The following TCF4 variants were observed in gnomAD, a reference collection of about 807,000 sequenced individuals.
TCF4 encodes transcription factor 4.
In TCF4, 3 loss-of-function variants were observed where a neutral mutation model predicts 82.1. The observed-to-expected ratio is 0.04, with a 90% CI of 0.02 to 0.09. TCF4 has a LOEUF of 0.09. Ranked by LOEUF, TCF4 falls within the 10% of genes least tolerant of loss-of-function variation. The probability of loss-of-function intolerance (pLI) is 1.00; values close to 1 mark genes in which losing one functional copy is unlikely to be tolerated. For synonymous variants in TCF4, 276 were observed against 309.6 expected (o/e 0.89, Z 1.14); for missense variants, 518 against 852.7 (o/e 0.61, Z 4.89).
At chr18:55,439,931 C>T (rs996724953) in intron 5 of TCF4, among the ~76,000 whole-genome samples, 2 of 152,112 alleles carry the variant, frequency 1.3e-5, no homozygotes, top group South Asian at 4.1e-4. Flanking sequence ...ACCATGTTGG[C>T]CAGGTTGGTC....
chr18:55,424,857 GC>G (rs1369668027), intron 5 of TCF4, among the ~76,000 whole-genome samples: 1 of 152,270 alleles, frequency 6.6e-6, no homozygotes, highest in Middle Eastern at 3.4e-3. Context: ...TTTAGGAGAT[GC>G]CTGCTCATCC....
rs537732661 is a variant in TCF4 at position 55,421,809 on chromosome 18, T to C, written c.305-18291A>G. Among the ~76,000 whole-genome samples the C allele has an allele frequency of 2.6e-4, 40 of 152,322 alleles. No homozygotes were observed. In the South Asian group the frequency reaches 8.1e-3, roughly 31 times the overall value. On this transcript the variant is annotated intron_variant, in intron 5 of 19. Transcript: ENST00000354452. ...AGAACTTTCAGTTTAACTTCAGGCTTGTCTGTCAAACATGGTACCAGGTTG... is the reference window on the plus strand; with the variant it reads ...AGAACTTTCAGTTTAACTTCAGGCTCGTCTGTCAAACATGGTACCAGGTTG...
chr18:55,547,800 T>TTA (rs1481022518), intron 3 of TCF4, among the ~76,000 whole-genome samples: 1 of 152,196 alleles, frequency 6.6e-6, no homozygotes, highest in Admixed American at 6.5e-5. Context: ...TCAGGCCTCT[T>TTA]TAGAAAACAA....
Position 55,407,648 on chromosome 18 carries a change from A to AT in TCF4, c.305-4131dup, listed in dbSNP as rs1184168067. On this transcript the variant is annotated intron_variant, in intron 5 of 19. Transcript: ENST00000354452. ...AGCAGGAAAGGCAAGCAACTTCCAT[A>AT]TAAAAAAAAAAAAAAAAAAGTCAAT... Among the ~76,000 whole-genome samples, 5 of 97,040 alleles carry AT rather than the reference A, an allele frequency of 5.2e-5. No homozygotes were observed. In the South Asian group the frequency reaches 9.1e-4, roughly 18 times the overall value. The allele number at this position is 97,040 out of a possible 152,430, so 63.7% of individuals were successfully genotyped here. A position where few individuals can be genotyped will look rare whatever the true frequency, so the allele number is the denominator to read the frequency against.
At chr18:55,582,272 T>C (rs1426681902) in intron 3 of TCF4, among the ~76,000 whole-genome samples, 1 of 152,146 alleles carries the variant, frequency 6.6e-6, no homozygotes, top group Non-Finnish European at 1.5e-5. Context: ...TGGATGCTTT[T>C]AGTTTGTTTT....
At chr18:55,432,956 A>G (rs997974233) in intron 5 of TCF4, among the ~76,000 whole-genome samples, 3 of 152,206 alleles carry the variant, frequency 2.0e-5, no homozygotes, top group Non-Finnish European at 4.4e-5. Context: ...GTGACCTGTA[A>G]TCATGCTTCT....
chr18:55,588,399 A>AG, upstream of TCF4: 1 of 1,529,974 alleles, frequency 6.5e-7, no homozygotes, highest in Non-Finnish European at 8.7e-7. Flanking sequence ...ACCCACCCCG[A>AG]GGGGAAAAAA....
chr18:55,304,202 C>A (rs895205886), intron 8 of TCF4, among the ~76,000 whole-genome samples: 4 of 152,068 alleles, frequency 2.6e-5, no homozygotes, highest in Admixed American at 6.6e-5. Flanking sequence ...AAGGAAGTGG[C>A]CAAGGTGGTC....
At chr18:55,402,527 T>C (rs1169434547) in intron 6 of TCF4, among the ~76,000 whole-genome samples, 1 of 151,842 alleles carries the variant, frequency 6.6e-6, no homozygotes, top group African/African-American at 2.4e-5. Context: ...TTTGCGTGAA[T>C]AATAAAAACA....
chr18:55,530,326 T>G (rs2097046115), intron 3 of TCF4, among the ~76,000 whole-genome samples: 1 of 152,068 alleles, frequency 6.6e-6, no homozygotes, highest in Non-Finnish European at 1.5e-5. Context: ...AGTAGGGGGT[T>G]GGGATTCAAG....
In TCF4 at chr18:55,406,845, C is replaced by A. The variant is rs1255864250; in HGVS notation, c.305-3327G>T. ...ATGAACAAACCCGGCGCGTTCACTGCGGAATTTTCGAGACAACCCTCCGGT... is the reference window on the plus strand; with the variant it reads ...ATGAACAAACCCGGCGCGTTCACTGAGGAATTTTCGAGACAACCCTCCGGT... On this transcript the variant is annotated intron_variant, in intron 5 of 19. Coordinates refer to ENST00000354452, the MANE Select transcript of TCF4 (RefSeq NM_001083962.2). 3.3e-5 allele frequency among the ~76,000 whole-genome samples: 5 copies of A among 152,320 alleles called. 1 individual carries two copies. The highest frequency in any genetic ancestry group is 6.8e-3 in the Middle Eastern group (2 of 294).
chr18:55,304,144 G>A (rs1433627927), intron 8 of TCF4, among the ~76,000 whole-genome samples: 1 of 152,142 alleles, frequency 6.6e-6, no homozygotes, highest in Non-Finnish European at 1.5e-5. Context: ...AAGCTAGAGG[G>A]TCAGTGTGAA....
At chr18:55,270,540 A>T (rs2060129360) in intron 10 of TCF4, among the ~76,000 whole-genome samples, 1 of 152,140 alleles carries the variant, frequency 6.6e-6, no homozygotes, top group Admixed American at 6.6e-5. Context: ...ACTCATCAAT[A>T]TGTAACTATT....
chr18:55,429,223 A>G (rs1387803894), intron 5 of TCF4, among the ~76,000 whole-genome samples: 1 of 152,222 alleles, frequency 6.6e-6, no homozygotes, highest in Non-Finnish European at 1.5e-5. Flanking sequence ...CTCTCTGGCC[A>G]GGGCCCTGGG....
At chr18:55,306,449 T>C (rs956075295) in intron 8 of TCF4, among the ~76,000 whole-genome samples, 1 of 152,220 alleles carries the variant, frequency 6.6e-6, no homozygotes, top group African/African-American at 2.4e-5. Context: ...AGAACTTCAA[T>C]TCAGCAATGT....
chr18:55,263,026 G>A (rs370340074), intron 11 of TCF4, among the ~76,000 whole-genome samples: 2 of 152,048 alleles, frequency 1.3e-5, no homozygotes, highest in African/African-American at 2.4e-5. Flanking sequence ...GGCTGGTCTC[G>A]AACTCCTGAC....
chr18:55,327,899 A>T (rs2147679067), intron 8 of TCF4, among the ~76,000 whole-genome samples: 1 of 152,272 alleles, frequency 6.6e-6, no homozygotes, highest in African/African-American at 2.4e-5. Context: ...GTGAAATCTG[A>T]TCAGATTCAT....
chr18:55,229,166 G>T (rs955828003), intron 17 of TCF4, 90 bp from the exon 18 acceptor site: 7 of 1,480,740 alleles, frequency 4.7e-6, no homozygotes, highest in Non-Finnish European at 5.6e-6. Context: ...AGTTTTCAGG[G>T]AACTTTTCCA....
intron 3 of TCF4, among the ~76,000 whole-genome samples, chr18:55,516,237 A>G (rs1441041416): frequency 6.6e-6 from 1 of 152,142 alleles, no homozygotes; most frequent in South Asian, 2.1e-4. Context: ...CAACCTCAGT[A>G]TCCCTGACTC....
Sources: allele counts gnomAD v4.1 joint callset (sites outside exome capture counted in the v4.1 genomes callset), GRCh38; gene constraint gnomAD v4.1.1; transcripts MANE v1.5; gene names NCBI Gene and HGNC (gene_info 2026-07-23, HGNC 2026-07-21).